TSPAN12: variants seen among roughly 807,000 people sequenced by gnomAD.
The protein encoded by TSPAN12 is tetraspanin-12.
In TSPAN12, 19 loss-of-function variants were observed where a neutral mutation model predicts 39.2. That is an observed-to-expected ratio of 0.49 (90% CI 0.34 to 0.71). TSPAN12 has a LOEUF of 0.71. Among genes scored for constraint, TSPAN12 ranks in the 30% least tolerant of loss-of-function variants. The pLI, the probability that TSPAN12 is intolerant of heterozygous loss-of-function variation, is 0.01. For synonymous variants in TSPAN12, 119 were observed against 124.8 expected (o/e 0.95, Z 0.31); for missense variants, 314 against 359.9 (o/e 0.87, Z 1.03).
intron 7 of TSPAN12, among the ~76,000 whole-genome samples, chr7:120,792,604 C>A (rs909675891): frequency 3.3e-5 from 5 of 152,054 alleles, no homozygotes; most frequent in Non-Finnish European, 7.4e-5. Flanking sequence ...TGGTAAAGGC[C>A]GGGAGACTCA....
At chr7:120,855,733 C>T (rs371177310) in intron 2 of TSPAN12, among the ~76,000 whole-genome samples, 1 of 152,132 alleles carries the variant, frequency 6.6e-6, no homozygotes, top group Non-Finnish European at 1.5e-5. Flanking sequence ...GCAGTTCAAC[C>T]TAAATGTCAT....
intron 4 of TSPAN12, among the ~76,000 whole-genome samples, chr7:120,831,886 G>A (rs973131379): frequency 6.6e-6 from 1 of 151,854 alleles, no homozygotes; most frequent in Admixed American, 6.6e-5. Context: ...GAATCCCACC[G>A]TGTATACATA....
chr7:120,807,606 T>TA (rs1244332203), intron 6 of TSPAN12, among the ~76,000 whole-genome samples: 1 of 152,202 alleles, frequency 6.6e-6, no homozygotes, highest in East Asian at 1.9e-4. Flanking sequence ...GTCCAACAGA[T>TA]CAATCTATGT....
intron 7 of TSPAN12, among the ~76,000 whole-genome samples, chr7:120,792,217 G>C (rs1398948489): frequency 6.6e-6 from 1 of 152,200 alleles, no homozygotes; most frequent in African/African-American, 2.4e-5. Flanking sequence ...GCAGAATGGG[G>C]TTGCAGCTCC....
intron 2 of TSPAN12, among the ~76,000 whole-genome samples, chr7:120,854,829 TTGAAGCGTAG>T (rs1235031753): frequency 6.6e-6 from 1 of 152,128 alleles, no homozygotes; most frequent in Non-Finnish European, 1.5e-5. Context: ...GATTATTTTG[TTGAAGCGTAG>T]GTGATATTGG....
chr7:120,800,838 G>A (rs1047399796), intron 7 of TSPAN12, among the ~76,000 whole-genome samples: 13 of 136,082 alleles, frequency 9.6e-5, no homozygotes, highest in African/African-American at 2.2e-4. Flanking sequence ...AACCTTCACC[G>A]CCTAGGTTCA....
intron 7 of TSPAN12, among the ~76,000 whole-genome samples, chr7:120,791,422 C>T (rs1020117635): frequency 2.0e-5 from 3 of 152,008 alleles, no homozygotes; most frequent in African/African-American, 7.2e-5. Flanking sequence ...AACGTGGTGA[C>T]TATAGTTAAT....
chr7:120,814,422 T>C (rs1294269011), intron 5 of TSPAN12, among the ~76,000 whole-genome samples: 3 of 152,186 alleles, frequency 2.0e-5, no homozygotes, highest in Admixed American at 1.3e-4. Context: ...ATAACGCATA[T>C]TTTTAAGAAT....
chr7:120,841,405 G>GA (rs199836973), intron 2 of TSPAN12, among the ~76,000 whole-genome samples: 39 of 148,162 alleles, frequency 2.6e-4, no homozygotes, highest in African/African-American at 5.9e-4. Context: ...TTCTTGAATT[G>GA]AAAAAAAAAA....
intron 7 of TSPAN12, among the ~76,000 whole-genome samples, chr7:120,802,772 C>A (rs930766916): frequency 6.6e-6 from 1 of 152,162 alleles, no homozygotes; most frequent in Non-Finnish European, 1.5e-5. Context: ...AAGTTTGTAG[C>A]TTATTATGGA....
At chr7:120,840,482 A>C (rs560458496) in intron 2 of TSPAN12, among the ~76,000 whole-genome samples, 1 of 72,930 alleles carries the variant, frequency 1.4e-5, no homozygotes, top group East Asian at 3.8e-4. Flanking sequence ...CTGAACAATT[A>C]AATATTGTCA....
chr7:120,844,789 G>A (rs1037229897), intron 2 of TSPAN12, among the ~76,000 whole-genome samples: 3 of 152,172 alleles, frequency 2.0e-5, no homozygotes, highest in Admixed American at 6.5e-5. Context: ...GATGCAAGTC[G>A]TCAGTGGGTC....
chr7:120,847,538 A>T (rs1301459836), intron 2 of TSPAN12, among the ~76,000 whole-genome samples: 1 of 152,140 alleles, frequency 6.6e-6, no homozygotes, highest in Non-Finnish European at 1.5e-5. Context: ...TTTTCCTGTA[A>T]ATGGTATAAT....
chr7:120,812,840 C>T (rs1312554534), intron 5 of TSPAN12, among the ~76,000 whole-genome samples: 1 of 151,924 alleles, frequency 6.6e-6, no homozygotes, highest in East Asian at 1.9e-4. Flanking sequence ...TTATCACTGA[C>T]AGATTTTATC....
At chr7:120,830,398 A>G (rs1562948456) in intron 4 of TSPAN12, among the ~76,000 whole-genome samples, 1 of 152,128 alleles carries the variant, frequency 6.6e-6, no homozygotes, top group Non-Finnish European at 1.5e-5. Context: ...ATTTCAAAAT[A>G]TATTATAAAG....
intron 4 of TSPAN12, among the ~76,000 whole-genome samples, chr7:120,829,712 G>C (rs566806880): frequency 2.0e-5 from 3 of 152,234 alleles, no homozygotes; most frequent in African/African-American, 7.2e-5. Flanking sequence ...TGTGCTGCCA[G>C]AAAAATACCT....
intron 4 of TSPAN12, among the ~76,000 whole-genome samples, chr7:120,817,642 C>T (rs1368034902): frequency 6.6e-6 from 1 of 152,168 alleles, no homozygotes; most frequent in African/African-American, 2.4e-5. Flanking sequence ...ATCACTGTAG[C>T]TGTGTTCCTG....
At chr7:120,815,287 A>C (rs1465841100) in intron 5 of TSPAN12, among the ~76,000 whole-genome samples, 3 of 152,184 alleles carry the variant, frequency 2.0e-5, no homozygotes, top group Non-Finnish European at 4.4e-5. Flanking sequence ...ATGTACCTAA[A>C]TTACTCTAAA....
chr7:120,788,515 T>C lies in TSPAN12; in HGVS notation c.*77A>G. ...CAACATTTTTATTTCTACATATTTC[T>C]GAAACACATAGTATGTACTCAAAAA... is the stretch of plus-strand genomic sequence containing the variant. On this transcript the variant is annotated 3_prime_UTR_variant, in exon 8 of 8. Transcript: ENST00000222747. 1.3e-6 allele frequency: 2 copies of C among 1,525,214 alleles called. No individual in the cohort carries two copies. Among genetic ancestry groups the C allele is most frequent in the Non-Finnish European group, 9.1e-7 (1 of 1,101,722 alleles). 94.5% of individuals were successfully genotyped at this position (1,525,214 alleles called of 1,614,324 possible).
Sources: gnomAD v4.1 joint callset for allele counts (sites outside exome capture counted in the v4.1 genomes callset) on GRCh38, gnomAD v4.1.1 for gene constraint, MANE v1.5 for transcripts, NCBI Gene and HGNC (gene_info 2026-07-23, HGNC 2026-07-21) for gene names.